KCNB2: variants seen among roughly 807,000 people sequenced by gnomAD.
KCNB2 encodes potassium voltage-gated channel subfamily B member 2, also known as delayed rectifier potassium channel protein.
In KCNB2, 15 loss-of-function variants were observed where a neutral mutation model predicts 61.5. The ratio of observed to expected loss-of-function variants is 0.24; its 90% CI spans 0.16 to 0.38. KCNB2 has a LOEUF of 0.38. KCNB2 is among the 10% of genes least tolerant of loss of function. The probability of loss-of-function intolerance (pLI) is 1.00; values close to 1 mark genes in which losing one functional copy is unlikely to be tolerated. For synonymous variants in KCNB2, 457 were observed against 446.0 expected (o/e 1.02, Z -0.31); for missense variants, 828 against 1,125.2 (o/e 0.74, Z 3.78).
At chr8:72,588,086 G>A (rs1264977182) in intron 2 of KCNB2, among the ~76,000 whole-genome samples, 1 of 152,052 alleles carries the variant, frequency 6.6e-6, no homozygotes, top group African/African-American at 2.4e-5. Context: ...CTGGAAACAT[G>A]GTCACATCTC....
chr8:72,793,867 G>A (rs1808983890), intron 2 of KCNB2, among the ~76,000 whole-genome samples: 1 of 152,182 alleles, frequency 6.6e-6, no homozygotes. Flanking sequence ...GTTGCCTTGA[G>A]CTTAGTCATT....
intron 2 of KCNB2, among the ~76,000 whole-genome samples, chr8:72,613,354 T>C (rs1215148622): frequency 6.6e-6 from 1 of 152,212 alleles, no homozygotes; most frequent in Non-Finnish European, 1.5e-5. Flanking sequence ...CTATGATGAC[T>C]GAATTTATAT....
At position 72,703,658 on chromosome 8, in the gene KCNB2, T is replaced by C. The variant is rs1028264237; in HGVS notation, c.579+135345T>C. Among the ~76,000 whole-genome samples the C allele has an allele frequency of 3.9e-5, 6 of 152,072 alleles. No individual in the cohort carries two copies. The South Asian group carries it at 1.2e-3, about 32-fold the overall frequency. On this transcript the variant is annotated intron_variant, in intron 2 of 2. Transcript: ENST00000523207. ...GAGGATGAGGGCTTCTGTGCCAAGG[T>C]CAGGGTAGGAGAGAAGCTGGGCCAT...
At chr8:72,892,128 A>C (rs1250443734) in intron 2 of KCNB2, among the ~76,000 whole-genome samples, 1 of 152,190 alleles carries the variant, frequency 6.6e-6, no homozygotes, top group Admixed American at 6.5e-5. Context: ...GGAAATCTGA[A>C]GTTTCTCCCT....
At chr8:72,905,506 A>G (rs1200508261) in intron 2 of KCNB2, among the ~76,000 whole-genome samples, 1 of 149,680 alleles carries the variant, frequency 6.7e-6, no homozygotes. Flanking sequence ...GCATGAGGCA[A>G]TTTTATGAGG....
chr8:72,844,125 C>T (rs1288755641), intron 2 of KCNB2, among the ~76,000 whole-genome samples: 1 of 152,202 alleles, frequency 6.6e-6, no homozygotes, highest in Non-Finnish European at 1.5e-5. Context: ...CTTGTTAAGG[C>T]AGGCCTGGTG....
chr8:72,687,155 G>A (rs1806866229), intron 2 of KCNB2, among the ~76,000 whole-genome samples: 1 of 152,188 alleles, frequency 6.6e-6, no homozygotes, highest in Non-Finnish European at 1.5e-5. Context: ...ACTCTTTAAT[G>A]TGGATGGTCT....
intron 2 of KCNB2, among the ~76,000 whole-genome samples, chr8:72,584,193 T>A (rs28629973): frequency 0.12 from 17,619 of 152,064 alleles, 1,408 homozygotes; most frequent in East Asian, 0.47. Context: ...ATACCTTTTT[T>A]AAGGGCATTT....
At chr8:72,780,031 A>G (rs1808728448) in intron 2 of KCNB2, among the ~76,000 whole-genome samples, 1 of 152,152 alleles carries the variant, frequency 6.6e-6, no homozygotes, top group Non-Finnish European at 1.5e-5. Context: ...CTGTCCTGCA[A>G]AGCTGCCTTT....
chr8:72,907,104 A>C (rs1370133063), intron 2 of KCNB2, among the ~76,000 whole-genome samples: 2 of 152,200 alleles, frequency 1.3e-5, no homozygotes, highest in African/African-American at 4.8e-5. Context: ...CACACCTGTA[A>C]TCCCAGCACT....
At chr8:72,861,452 T>G (rs1247654386) in intron 2 of KCNB2, among the ~76,000 whole-genome samples, 1 of 152,132 alleles carries the variant, frequency 6.6e-6, no homozygotes, top group Non-Finnish European at 1.5e-5. Context: ...TCTTGAGAGA[T>G]AAAAGCTCAC....
At chr8:72,695,284 T>G (rs997506331) in intron 2 of KCNB2, among the ~76,000 whole-genome samples, 2 of 152,192 alleles carry the variant, frequency 1.3e-5, no homozygotes, top group African/African-American at 4.8e-5. Context: ...TTTCACATTT[T>G]AATGAAGTAG....
chr8:72,716,562 C>A (rs1226119420), intron 2 of KCNB2, among the ~76,000 whole-genome samples: 2 of 152,118 alleles, frequency 1.3e-5, no homozygotes, highest in Non-Finnish European at 2.9e-5. Flanking sequence ...AGACAAAAAC[C>A]ACATGATTAT....
intron 2 of KCNB2, among the ~76,000 whole-genome samples, chr8:72,609,386 G>A (rs1805502507): frequency 6.6e-6 from 1 of 152,136 alleles, no homozygotes; most frequent in Non-Finnish European, 1.5e-5. Flanking sequence ...TAAAATTTCA[G>A]TCAACACTTC....
intron 2 of KCNB2, among the ~76,000 whole-genome samples, chr8:72,720,179 C>T (rs1235334191): frequency 3.3e-5 from 5 of 152,114 alleles, no homozygotes; most frequent in African/African-American, 4.8e-5. Flanking sequence ...GACTAAGTCC[C>T]GATCTCTCAA....
chr8:72,739,485 G>T (rs1032139757), intron 2 of KCNB2, among the ~76,000 whole-genome samples: 1 of 151,924 alleles, frequency 6.6e-6, no homozygotes, highest in African/African-American at 2.4e-5. Flanking sequence ...ACCTTTTAGG[G>T]AATAGAGAAG....
intron 2 of KCNB2, among the ~76,000 whole-genome samples, chr8:72,586,473 A>C (rs1313195628): frequency 1.3e-5 from 2 of 152,236 alleles, no homozygotes; most frequent in Non-Finnish European, 2.9e-5. Flanking sequence ...TTAGTCACAG[A>C]GGGGGAGAAA....
intron 2 of KCNB2, among the ~76,000 whole-genome samples, chr8:72,910,020 T>C (rs767504741): frequency 1.1e-4 from 16 of 152,152 alleles, no homozygotes; most frequent in Non-Finnish European, 2.1e-4. Context: ...ACTCCTCTTG[T>C]TGGTAGTCCT....
At chr8:72,687,743 G>C (rs576738949) in intron 2 of KCNB2, among the ~76,000 whole-genome samples, 158 of 152,296 alleles carry the variant, frequency 1.0e-3, no homozygotes, top group Non-Finnish European at 1.9e-3. Flanking sequence ...ATTCTAGAAA[G>C]ATAAAAGAGC....
Sources: allele counts gnomAD v4.1 joint callset (sites outside exome capture counted in the v4.1 genomes callset), GRCh38; gene constraint gnomAD v4.1.1; transcripts MANE v1.5; gene names NCBI Gene and HGNC (gene_info 2026-07-23, HGNC 2026-07-21).